BRD4: variants seen among roughly 807,000 people sequenced by gnomAD.
BRD4 encodes the protein bromodomain-containing protein 4.
In BRD4, 16 loss-of-function variants were observed where a neutral mutation model predicts 142.1. That is an observed-to-expected ratio of 0.11 (90% confidence interval 0.08 to 0.17). The LOEUF (loss-of-function observed/expected upper bound fraction) is 0.17. BRD4 is among the 10% of genes least tolerant of loss of function. BRD4 has a pLI of 1.00. For synonymous variants in BRD4, 833 were observed against 707.5 expected (o/e 1.18, Z -2.82); for missense variants, 1,424 against 1,810.9 (o/e 0.79, Z 3.88).
In BRD4 at chr19:15,264,430, G is replaced by A. The variant is rs2047508315; in HGVS notation, c.1186C>T (p.His396Tyr). ...GLHDYCDIIK[H>Y]PMDMSTIKSK... ...TTGATTGTGCTCATGTCCATGGGGT[G>A]CTTGATGATGTCACAGTAGTCGTGT... Residue 396 changes from histidine (H) to tyrosine (Y), a missense_variant, in exon 6 of 20, where the codon CAC becomes TAC. Physicochemically the swap from His to Tyr is moderately conservative, Grantham distance 83. Around this residue, in one of 16 missense-constraint regions of BRD4, gnomAD observed 30 missense variants for 65.2 expected, o/e 0.46. Transcript: ENST00000679869. 6.2e-7 allele frequency: 1 copy of A among 1,610,998 alleles called. No homozygotes were observed. The highest frequency in any genetic ancestry group is 8.5e-7 in the Non-Finnish European group (1 of 1,177,722).
At chr19:15,269,824 G>A (rs1015997462) in intron 2 of BRD4, among the ~76,000 whole-genome samples, 3 of 152,190 alleles carry the variant, frequency 2.0e-5, no homozygotes, top group Admixed American at 1.3e-4. Flanking sequence ...TAAAGTGCCC[G>A]AAATCAAACC....
intron 1 of BRD4, among the ~76,000 whole-genome samples, chr19:15,320,079 G>A (rs920231129): frequency 1.3e-5 from 2 of 152,236 alleles, no homozygotes; most frequent in Middle Eastern, 3.4e-3. Flanking sequence ...CATTTTTGTG[G>A]AGAGAGGATC....
intron 1 of BRD4, among the ~76,000 whole-genome samples, chr19:15,310,679 G>C (rs1050596990): frequency 6.6e-5 from 10 of 150,978 alleles, no homozygotes; most frequent in South Asian, 4.2e-4. Flanking sequence ...GTTTTTATTA[G>C]AGACGGGGTT....
intron 1 of BRD4, among the ~76,000 whole-genome samples, chr19:15,300,354 C>A (rs903908370): frequency 2.6e-5 from 4 of 151,678 alleles, no homozygotes; most frequent in Non-Finnish European, 5.9e-5. Context: ...GAGTTCAAGA[C>A]CAGCCTGGCC....
intron 1 of BRD4, among the ~76,000 whole-genome samples, chr19:15,289,665 CA>C (rs34191233): frequency 0.037 from 4,234 of 115,362 alleles, 189 homozygotes; most frequent in African/African-American, 0.12. Context: ...GGTTTTGATC[CA>C]AAAAAAAAAA....
chr19:15,243,315 T>C lies in BRD4; in HGVS notation c.2754A>G (p.Pro918=), dbSNP rs749602292. ...GCATGGAGGTGAGGGGTGGGGCAGG[T>C]GGCTCTTCATCCTCCAGCAGCACTT... ...PPQVLLEDEE[P]PAPPLTSMQM... is the part of the protein sequence containing the mutation. The change falls in exon 14 of 20, where the codon CCA becomes CCG. Residue 918 remains proline, a synonymous_variant. Transcript: ENST00000679869. 3 of 1,198,350 alleles carry C rather than the reference T, an allele frequency of 2.5e-6. No individual in the cohort carries two copies. The highest frequency in any genetic ancestry group is 2.1e-6 in the Non-Finnish European group (2 of 947,476). 74.2% of individuals were successfully genotyped at this position (1,198,350 alleles called of 1,614,324 possible). A position where few individuals can be genotyped will look rare whatever the true frequency, so the allele number is the denominator to read the frequency against.
chr19:15,262,742 A>T (rs1447087824), intron 7 of BRD4, among the ~76,000 whole-genome samples: 1 of 152,082 alleles, frequency 6.6e-6, no homozygotes, highest in Non-Finnish European at 1.5e-5. Flanking sequence ...AAACAAAAAA[A>T]ATAGAAAAGA....
At chr19:15,330,819 C>A (rs889064660) in intron 1 of BRD4, among the ~76,000 whole-genome samples, 1 of 152,180 alleles carries the variant, frequency 6.6e-6, no homozygotes, top group Non-Finnish European at 1.5e-5. Context: ...CCATCAAAAA[C>A]TTTCTTGAAA....
At chr19:15,279,258 G>A (rs539433540) in intron 1 of BRD4, among the ~76,000 whole-genome samples, 3 of 152,152 alleles carry the variant, frequency 2.0e-5, no homozygotes, top group Admixed American at 1.3e-4. Context: ...TTATAACTCT[G>A]AACAGGAAAC....
At chr19:15,323,225 C>T (rs2048079614) in intron 1 of BRD4, among the ~76,000 whole-genome samples, 1 of 127,294 alleles carries the variant, frequency 7.9e-6, no homozygotes, top group South Asian at 2.8e-4. Context: ...CTCTTAAAAT[C>T]CAGATTCTGA....
At chr19:15,252,071 G>A (rs867433157) in intron 11 of BRD4, among the ~76,000 whole-genome samples, 1 of 152,100 alleles carries the variant, frequency 6.6e-6, no homozygotes, top group Non-Finnish European at 1.5e-5. Context: ...TTTTTAAAGT[G>A]GGGGAGTGAA....
rs993663566 is a variant in BRD4 at position 15,305,689 on chromosome 19, A to G, written c.-35+26601T>C. Among the ~76,000 whole-genome samples, 5 of 152,354 alleles carry G rather than the reference A, an allele frequency of 3.3e-5. No homozygotes were observed. The East Asian group carries it at 9.6e-4, about 29-fold the overall frequency. On this transcript the variant is annotated intron_variant, in intron 1 of 19. Coordinates refer to ENST00000679869, the MANE Select transcript of BRD4 (RefSeq NM_001379291.1). ...TGGATATTCAGAATGGCTAATGAGC[A>G]GTAGCTTCAACTTAAAGTCATCAGC...
chr19:15,272,759 A>G (rs1207953007), intron 2 of BRD4, 56 bp downstream of exon 2: 1 of 1,527,062 alleles, frequency 6.5e-7, no homozygotes, highest in Non-Finnish European at 8.9e-7. Flanking sequence ...TGACCAGGAG[A>G]CATGCAGGAG....
chr19:15,268,809 C>T, intron 3 of BRD4, 96 bp downstream of exon 3: 2 of 1,437,108 alleles, frequency 1.4e-6, no homozygotes, highest in East Asian at 4.6e-5. Context: ...CCCAGCCACA[C>T]CCAACACCCC....
intron 1 of BRD4, among the ~76,000 whole-genome samples, chr19:15,308,501 C>T (rs542218281): frequency 4.6e-5 from 7 of 150,558 alleles, no homozygotes; most frequent in East Asian, 2.0e-4. Flanking sequence ...GCAGAACAAT[C>T]GCTTGAACCC....
At chr19:15,319,866 G>A (rs2048046575) in intron 1 of BRD4, among the ~76,000 whole-genome samples, 1 of 152,010 alleles carries the variant, frequency 6.6e-6, no homozygotes, top group African/African-American at 2.4e-5. Flanking sequence ...GTTTGGGGAG[G>A]CTGAGACTAC....
chr19:15,245,690 C>T (rs780987020), intron 11 of BRD4, among the ~76,000 whole-genome samples: 2 of 152,196 alleles, frequency 1.3e-5, no homozygotes, highest in African/African-American at 4.8e-5. Flanking sequence ...ACAAGCCCCA[C>T]AGGGGGACAT....
intron 1 of BRD4, among the ~76,000 whole-genome samples, chr19:15,277,268 A>G (rs1445028919): frequency 6.6e-6 from 1 of 152,172 alleles, no homozygotes. Flanking sequence ...TCCAACAGAA[A>G]CCCTATATCA....
At chr19:15,279,870 G>C (rs528131139) in intron 1 of BRD4, among the ~76,000 whole-genome samples, 7 of 152,312 alleles carry the variant, frequency 4.6e-5, no homozygotes, top group African/African-American at 1.4e-4. Flanking sequence ...CCTTCATTCT[G>C]TCTGGTCTGT....
Sources: gnomAD v4.1 joint callset for allele counts (sites outside exome capture counted in the v4.1 genomes callset) on GRCh38, gnomAD v4.1.1 for gene constraint, gnomAD v4.1.1 regional missense constraint, MANE v1.5 for transcripts, NCBI Gene and HGNC (gene_info 2026-07-23, HGNC 2026-07-21) for gene names.